Variants in RNLS observed in about 807,000 individuals in gnomAD.
The protein encoded by RNLS is renalase, FAD dependent amine oxidase, also known as renalase.
RNLS carries 39 observed loss-of-function variants against 39.8 expected under a neutral mutation model. That is an observed-to-expected ratio of 0.98 (90% CI 0.76 to 1.28). RNLS has a LOEUF of 1.28. Ranked by LOEUF, RNLS falls within the 50% of genes most tolerant of loss-of-function variation. RNLS has a pLI of 0.00. For synonymous variants in RNLS, 147 were observed against 150.7 expected, an observed-to-expected ratio of 0.98 and a Z score of 0.18; for missense variants, 410 against 413.3, an observed-to-expected ratio of 0.99 and a Z score of 0.07.
chr10:88,540,735 A>G (rs1166534303), intron 4 of RNLS, among the ~76,000 whole-genome samples: 1 of 152,160 alleles, frequency 6.6e-6, no homozygotes, highest in African/African-American at 2.4e-5. Flanking sequence ...TCTCTCAAGG[A>G]CAACATACAT....
intron 4 of RNLS, among the ~76,000 whole-genome samples, chr10:88,418,394 A>G (rs1051112295): frequency 6.6e-6 from 1 of 152,200 alleles, no homozygotes; most frequent in Non-Finnish European, 1.5e-5. Context: ...TCTGCTCACT[A>G]TAATACAACA....
intron 4 of RNLS, among the ~76,000 whole-genome samples, chr10:88,480,967 G>A (rs557728611): frequency 6.6e-5 from 10 of 151,956 alleles, no homozygotes; most frequent in East Asian, 3.9e-4. Context: ...TTCTCTTTTC[G>A]ATTTTGTCAG....
At chr10:88,269,561 T>C (rs1394919291), downstream of RNLS, among the ~76,000 whole-genome samples, 1 of 152,046 alleles carries the variant, frequency 6.6e-6, no homozygotes, top group Non-Finnish European at 1.5e-5. Flanking sequence ...GTTTACAAGG[T>C]CTTGATCCAT....
At chr10:88,551,227 T>C (rs1299891277) in intron 4 of RNLS, among the ~76,000 whole-genome samples, 1 of 152,176 alleles carries the variant, frequency 6.6e-6, no homozygotes, top group East Asian at 1.9e-4. Flanking sequence ...GTTTTCAAAA[T>C]TTGCCTCATA....
intron 3 of RNLS, among the ~76,000 whole-genome samples, chr10:88,578,392 G>A (rs561249655): frequency 1.5e-4 from 23 of 152,194 alleles, no homozygotes; most frequent in African/African-American, 5.5e-4. Flanking sequence ...AGCTTATAGT[G>A]TGGAAAAACC....
intron 4 of RNLS, among the ~76,000 whole-genome samples, chr10:88,545,116 C>T (rs541151099): frequency 3.6e-4 from 55 of 152,122 alleles, no homozygotes; most frequent in Non-Finnish European, 5.9e-4. Flanking sequence ...CTAGAAGCCC[C>T]CTTCTTAGCT....
chr10:88,214,337 A>C, the RNLS span, among the ~76,000 whole-genome samples: 1 of 152,112 alleles, frequency 6.6e-6, no homozygotes, highest in Non-Finnish European at 1.5e-5. Flanking sequence ...TTTACTCCAA[A>C]GTCATTTGGG....
At chr10:88,356,014 G>A (rs1010678160) in intron 5 of RNLS, among the ~76,000 whole-genome samples, 3 of 152,212 alleles carry the variant, frequency 2.0e-5, no homozygotes, top group African/African-American at 4.8e-5. Context: ...GGGACCCTCT[G>A]ATCCTTGCGC....
chr10:88,213,004 A>T, the RNLS span, among the ~76,000 whole-genome samples: 1 of 152,222 alleles, frequency 6.6e-6, no homozygotes. Flanking sequence ...AATGTAAAGA[A>T]AAAATTTTGG....
At chr10:88,442,103 G>A (rs1359219036) in intron 4 of RNLS, among the ~76,000 whole-genome samples, 3 of 152,162 alleles carry the variant, frequency 2.0e-5, no homozygotes, top group African/African-American at 7.2e-5. Context: ...TGCAGAGACA[G>A]GGATCCTCAT....
chr10:88,297,610 C>G (rs1844183959), intron 6 of RNLS, among the ~76,000 whole-genome samples: 1 of 152,132 alleles, frequency 6.6e-6, no homozygotes, highest in South Asian at 2.1e-4. Flanking sequence ...ATCTTTATGA[C>G]TGGCTTCTTT....
chr10:88,528,605 G>A (rs1184611626), intron 4 of RNLS, among the ~76,000 whole-genome samples: 1 of 152,020 alleles, frequency 6.6e-6, no homozygotes, highest in Admixed American at 6.6e-5. Flanking sequence ...CAGCACTTTG[G>A]GAGGCCGAGG....
intron 6 of RNLS, among the ~76,000 whole-genome samples, chr10:88,311,768 A>G (rs1845400644): frequency 6.6e-6 from 1 of 152,206 alleles, no homozygotes; most frequent in South Asian, 2.1e-4. Flanking sequence ...TAAATGAGTT[A>G]CCAAATGAAA....
At chr10:88,365,258 GTTTTTTAT>G (rs1364762394) in intron 4 of RNLS, among the ~76,000 whole-genome samples, 2 of 151,630 alleles carry the variant, frequency 1.3e-5, no homozygotes, top group Admixed American at 6.6e-5. Context: ...AGGCTTAAAA[GTTTTTTAT>G]TCTTGCAAGG....
intron 4 of RNLS, among the ~76,000 whole-genome samples, chr10:88,415,823 T>C (rs1307668299): frequency 2.0e-5 from 3 of 152,194 alleles, no homozygotes; most frequent in Non-Finnish European, 4.4e-5. Flanking sequence ...TCTAGTGCCA[T>C]GCACAGATGG....
chr10:88,552,465 G>T (rs1483543393), intron 4 of RNLS, among the ~76,000 whole-genome samples: 1 of 152,192 alleles, frequency 6.6e-6, no homozygotes, highest in Non-Finnish European at 1.5e-5. Context: ...AATGCAATAA[G>T]CATTTGGGCA....
chr10:88,426,795 C>T (rs190370561), intron 4 of RNLS, among the ~76,000 whole-genome samples: 2 of 152,076 alleles, frequency 1.3e-5, no homozygotes, highest in African/African-American at 4.8e-5. Context: ...TTAACCAGCA[C>T]ATAACACAGC....
chr10:88,353,046 A>T (rs1172599469), intron 5 of RNLS, among the ~76,000 whole-genome samples: 1 of 152,128 alleles, frequency 6.6e-6, no homozygotes, highest in Non-Finnish European at 1.5e-5. Flanking sequence ...CAGTGGGGAT[A>T]TCCCCTTTAT....
chr10:88,437,288 T>A (rs1841464192), intron 4 of RNLS, among the ~76,000 whole-genome samples: 1 of 152,198 alleles, frequency 6.6e-6, no homozygotes, highest in African/African-American at 2.4e-5. Context: ...AACCTTTCAT[T>A]AACATTTGCT....
Sources: gnomAD v4.1 joint callset for allele counts (sites outside exome capture counted in the v4.1 genomes callset) on GRCh38, gnomAD v4.1.1 for gene constraint, MANE v1.5 for transcripts, NCBI Gene and HGNC (gene_info 2026-07-23, HGNC 2026-07-21) for gene names.